Variants in ABLIM2 observed in about 807,000 individuals in gnomAD.
ABLIM2 encodes the protein actin binding LIM protein family member 2.
A neutral mutation model predicts 97.7 loss-of-function variants in ABLIM2; 53 were observed. That is an observed-to-expected ratio of 0.54 (90% CI 0.44 to 0.68). The LOEUF is 0.68. ABLIM2 is among the 30% of genes least tolerant of loss of function. The pLI is 0.00. For missense variants in ABLIM2, 835 were observed against 867.2 expected (o/e 0.96, Z 0.47); for synonymous variants, 361 against 345.8 (o/e 1.04, Z -0.49).
chr4:8,064,737 T>C (rs1002796211), intron 6 of ABLIM2, among the ~76,000 whole-genome samples: 7 of 152,092 alleles, frequency 4.6e-5, no homozygotes, highest in Non-Finnish European at 8.8e-5. Context: ...GGCAAAGCGA[T>C]CTACCTGGCT....
chr4:8,052,377 G>A (rs1458940437), intron 8 of ABLIM2, among the ~76,000 whole-genome samples: 1 of 152,214 alleles, frequency 6.6e-6, no homozygotes, highest in Non-Finnish European at 1.5e-5. Context: ...TCATCCCTGA[G>A]ACCCAGCGCA....
chr4:8,153,108 G>A (rs941538575), intron 1 of ABLIM2, among the ~76,000 whole-genome samples: 4 of 152,178 alleles, frequency 2.6e-5, no homozygotes, highest in African/African-American at 7.2e-5. Flanking sequence ...GGCAGTGCCC[G>A]CTTAAAGGGC....
rs1749751847 is a variant in ABLIM2, at chr4:7,992,595, T to C, written c.1680+271A>G. 1.3e-5 allele frequency among the ~76,000 whole-genome samples: 2 copies of C among 152,020 alleles called. No homozygotes were observed. The highest frequency in any genetic ancestry group is 2.4e-5 in the African/African-American group (1 of 41,388). On this transcript the variant is annotated intron_variant, in intron 17 of 20. Coordinates refer to ENST00000447017, the MANE Select transcript of ABLIM2 (RefSeq NM_001130083.2). This position sits in a 1 kb window ranked among gnomAD's most constrained non-coding sequence, Gnocchi z 5.7. ...GCGCCTGATCACTCTGGGTGGCCCT[T>C]GTCTCCCCTGCTCCCACACACTGAG...
chr4:8,126,532 G>A (rs1848031716), intron 1 of ABLIM2, among the ~76,000 whole-genome samples: 2 of 151,552 alleles, frequency 1.3e-5, no homozygotes, highest in South Asian at 4.2e-4. Context: ...AGGCCGCCTG[G>A]TCAACACGCA....
In ABLIM2 at chr4:8,149,583, A is replaced by AGAG. The variant is rs1291937300; in HGVS notation, c.10+9094_10+9096dup. On this transcript the variant is annotated intron_variant, in intron 1 of 20. Transcript: ENST00000447017. The surrounding 1 kb of genome is among the most constrained non-coding windows in gnomAD (Gnocchi z 6.4). Reference sequence around the variant, plus strand: ...GGAGTCCGGCAGAGCCTTGAAAGGGAGAGGAGGAGGGACTCCAGGGGAGCG... The same window carrying AGAG: ...GGAGTCCGGCAGAGCCTTGAAAGGGAGAGGAGGAGGAGGGACTCCAGGGGAGCG... 1.3e-5 allele frequency among the ~76,000 whole-genome samples: 2 copies of AGAG among 151,914 alleles called. No individual in the cohort carries two copies. Among genetic ancestry groups the AGAG allele is most frequent in the East Asian group, 3.9e-4 (2 of 5,108 alleles).
At chr4:8,045,122 C>T in intron 9 of ABLIM2, 42 bp downstream of exon 9, 1 of 1,584,852 alleles carries the variant, frequency 6.3e-7, no homozygotes, top group Non-Finnish European at 8.7e-7. Flanking sequence ...CCTTCTCTCT[C>T]CACCCTCCCA....
In ABLIM2 at chr4:8,112,236, C is replaced by G. The variant is rs936241951; in HGVS notation, c.11-5599G>C. ...TCTCAGGAAATCCCCCTGCCTCCCC[C>G]TCCAGGCTGAACTCCTGGTCTGCCA... is the stretch of plus-strand genomic sequence containing the variant. On this transcript the variant is annotated intron_variant, in intron 1 of 20. Transcript: ENST00000447017. This position sits in a 1 kb window ranked among gnomAD's most constrained non-coding sequence, Gnocchi z 4.2. Among the ~76,000 whole-genome samples, 1 of 152,236 alleles carries G rather than the reference C, an allele frequency of 6.6e-6. No homozygotes were observed. The highest frequency in any genetic ancestry group is 1.5e-5 in the Non-Finnish European group (1 of 68,048).
Position 8,118,394 on chromosome 4 carries a change from G to A in ABLIM2, c.11-11757C>T, listed in dbSNP as rs564643528. Among the ~76,000 whole-genome samples, 6 of 152,252 alleles carry A rather than the reference G, an allele frequency of 3.9e-5. No individual in the cohort carries two copies. The East Asian group carries it at 9.7e-4, about 25-fold the overall frequency. ...AGGCCTCTGTCTTGCTGGAAAACTT[G>A]GGGTAGGTCCCTTTTCCCTCCAGCC... On this transcript the variant is annotated intron_variant, in intron 1 of 20. Transcript: ENST00000447017.
chr4:8,054,382 A>ATCCTC lies in ABLIM2; in HGVS notation c.764-141_764-137dup, dbSNP rs1797747106. 1 of 903,384 alleles carries ATCCTC rather than the reference A, an allele frequency of 1.1e-6. No homozygotes were observed. Among genetic ancestry groups the ATCCTC allele is most frequent in the African/African-American group, 1.6e-5 (1 of 60,960 alleles). The allele number at this position is 903,384 out of a possible 1,614,324, so 56.0% of individuals were successfully genotyped here. ...CTCCACCCTCCAAGCGGCCCTGAGCATCCTCTCTGTGCTGGAGTTAGTGCC... is the reference window on the plus strand; with the variant it reads ...CTCCACCCTCCAAGCGGCCCTGAGCATCCTCTCCTCTCTGTGCTGGAGTTAGTGCC... On this transcript the variant is annotated intron_variant, in intron 7 of 20. Transcript: ENST00000447017. This position sits in a 1 kb window ranked among gnomAD's most constrained non-coding sequence, Gnocchi z 4.9.
At chr4:8,129,028 C>T (rs1378251262) in intron 1 of ABLIM2, among the ~76,000 whole-genome samples, 1 of 151,986 alleles carries the variant, frequency 6.6e-6, no homozygotes, top group Non-Finnish European at 1.5e-5. Flanking sequence ...ACCTGGCTGC[C>T]CCCAGCTTTC....
In ABLIM2 at chr4:8,083,264, C is replaced by G. The variant is rs925735957; in HGVS notation, c.455-2462G>C. 2.0e-5 allele frequency among the ~76,000 whole-genome samples: 3 copies of G among 152,158 alleles called. No homozygotes were observed. Among genetic ancestry groups the G allele is most frequent in the Non-Finnish European group, 2.9e-5 (2 of 68,014 alleles). On this transcript the variant is annotated intron_variant, in intron 4 of 20. Transcript: ENST00000447017. The surrounding 1 kb of genome is among the most constrained non-coding windows in gnomAD (Gnocchi z 4.6). ...CAGCAATGCCCCCCACCGGCTGTGACCTGGGGAAGTCACTTCACCTCTCTG... is the reference window on the plus strand; with the variant it reads ...CAGCAATGCCCCCCACCGGCTGTGAGCTGGGGAAGTCACTTCACCTCTCTG...
intron 1 of ABLIM2, among the ~76,000 whole-genome samples, chr4:8,126,239 G>A (rs1847850620): frequency 6.6e-6 from 1 of 152,184 alleles, no homozygotes; most frequent in African/African-American, 2.4e-5. Flanking sequence ...ACCAGGGAGG[G>A]AAGACTCTGG....
intron 6 of ABLIM2, among the ~76,000 whole-genome samples, chr4:8,070,873 C>A (rs768907356): frequency 6.6e-6 from 1 of 152,058 alleles, no homozygotes; most frequent in Non-Finnish European, 1.5e-5. Context: ...TTCTTGTTAC[C>A]GGGGAGACGG....
chr4:8,029,994 C>A (rs1213057212), intron 10 of ABLIM2, among the ~76,000 whole-genome samples: 1 of 152,194 alleles, frequency 6.6e-6, no homozygotes, highest in Non-Finnish European at 1.5e-5. Flanking sequence ...CCTGCTGGAT[C>A]CTTGCCACAG....
At position 7,973,772 on chromosome 4, in the gene ABLIM2, GACA is replaced by G. The variant is rs531196782; in HGVS notation, c.1825-6672_1825-6670del. The stretch of plus-strand genomic sequence containing the variant: ...CATGGACCGGGAGGGCCTCAGGCCA[GACA>G]ACAAGTCCCTTTCCACCCATCCACC... On this transcript the variant is annotated intron_variant, in intron 20 of 20. Coordinates refer to ENST00000447017, the MANE Select transcript of ABLIM2 (RefSeq NM_001130083.2). 2.5e-4 allele frequency among the ~76,000 whole-genome samples: 38 copies of G among 152,358 alleles called. 1 individual carries two copies. The South Asian group carries it at 7.0e-3, about 28-fold the overall frequency.
At chr4:8,098,788 C>T (rs1488858598) in intron 2 of ABLIM2, among the ~76,000 whole-genome samples, 1 of 152,142 alleles carries the variant, frequency 6.6e-6, no homozygotes, top group Non-Finnish European at 1.5e-5. Flanking sequence ...ATGAGCATCC[C>T]GTGAGCCAGT....
chr4:8,074,139 G>T (rs1577205962), intron 6 of ABLIM2, among the ~76,000 whole-genome samples: 2 of 148,108 alleles, frequency 1.4e-5, no homozygotes, highest in Non-Finnish European at 3.0e-5. Context: ...AGCCTCACTA[G>T]GGATGGAAGA....
At chr4:8,093,479 A>G (rs1357476426) in intron 3 of ABLIM2, among the ~76,000 whole-genome samples, 10 of 152,200 alleles carry the variant, frequency 6.6e-5, no homozygotes, top group African/African-American at 2.4e-4. Flanking sequence ...CACTTTATTC[A>G]CATACAATGT....
rs1190045798 is a variant in ABLIM2, at chr4:8,002,879, G to A, written c.1618+5180C>T. 1.3e-5 allele frequency among the ~76,000 whole-genome samples: 2 copies of A among 152,152 alleles called. No homozygotes were observed. The highest frequency in any genetic ancestry group is 2.4e-5 in the African/African-American group (1 of 41,440). On this transcript the variant is annotated intron_variant, in intron 16 of 20. Transcript: ENST00000447017. The surrounding 1 kb of genome is among the most constrained non-coding windows in gnomAD (Gnocchi z 6.1). The stretch of plus-strand genomic sequence containing the variant: ...TTCAAGTGTACACCCACTTCAAGCC[G>A]TGCCAGGTACCGTCTCTCTGCACTG...
Sources: gnomAD v4.1 joint callset for allele counts (sites outside exome capture counted in the v4.1 genomes callset) on GRCh38, gnomAD v4.1.1 for gene constraint, Gnocchi (gnomAD v3.1) non-coding constraint, MANE v1.5 for transcripts, NCBI Gene and HGNC (gene_info 2026-07-23, HGNC 2026-07-21) for gene names.